MGMT: variants seen among roughly 807,000 people sequenced by gnomAD.
MGMT encodes O-6-methylguanine-DNA methyltransferase, also known as methylated-DNA--protein-cysteine methyltransferase.
Under a neutral mutation model 15.9 loss-of-function variants are expected in MGMT, and 14 were observed. The ratio of observed to expected loss-of-function variants is 0.88; its 90% CI spans 0.58 to 1.37. MGMT has a LOEUF of 1.37. Ranked by LOEUF, MGMT falls within the 40% of genes most tolerant of loss-of-function variation. The pLI, the probability that MGMT is intolerant of heterozygous loss-of-function variation, is 0.00. For missense variants in MGMT, 282 were observed against 268.1 expected (o/e 1.05, Z -0.36); for synonymous variants, 130 against 118.2 (o/e 1.10, Z -0.65).
intron 2 of MGMT, among the ~76,000 whole-genome samples, chr10:129,599,671 A>G (rs1421999938): frequency 6.6e-6 from 1 of 152,202 alleles, no homozygotes; most frequent in East Asian, 1.9e-4. Context: ...ATGCTTGTAC[A>G]TGCTTTCACA....
At chr10:129,486,089 G>T (rs1472552932) in intron 1 of MGMT, among the ~76,000 whole-genome samples, 1 of 151,556 alleles carries the variant, frequency 6.6e-6, no homozygotes, top group African/African-American at 2.4e-5. Context: ...TGGAAACAGA[G>T]TTGAAGAAAA....
rs146216546 is a variant in MGMT, at chr10:129,705,308, G to A, written c.126-2587G>A. 1.6e-3 allele frequency among the ~76,000 whole-genome samples: 250 copies of A among 152,342 alleles called. 1 individual carries two copies. Among genetic ancestry groups the A allele is most frequent in the African/African-American group, 5.7e-3 (235 of 41,586 alleles). ...AGTATCCCAGATGGAATGCAAAAGA[G>A]GTTCGTGCTGCTGAGGCCCTGGTTT... On this transcript the variant is annotated intron_variant, in intron 2 of 4. Transcript: ENST00000651593.
intron 2 of MGMT, among the ~76,000 whole-genome samples, chr10:129,690,986 T>C (rs1420400166): frequency 1.3e-5 from 2 of 152,078 alleles, no homozygotes; most frequent in African/African-American, 4.8e-5. Flanking sequence ...GACTGGAGTG[T>C]GAAGAGGCCA....
At chr10:129,499,381 A>G (rs981397476) in intron 1 of MGMT, among the ~76,000 whole-genome samples, 1 of 152,256 alleles carries the variant, frequency 6.6e-6, no homozygotes, top group African/African-American at 2.4e-5. Flanking sequence ...GCATGTTTCC[A>G]AATGGATATG....
chr10:129,641,533 C>T (rs1224042798), intron 2 of MGMT, among the ~76,000 whole-genome samples: 1 of 152,138 alleles, frequency 6.6e-6, no homozygotes, highest in African/African-American at 2.4e-5. Flanking sequence ...TCATATAATT[C>T]CTTCAAGAAT....
chr10:129,473,642 G>C (rs895154761), intron 1 of MGMT, among the ~76,000 whole-genome samples: 2 of 150,226 alleles, frequency 1.3e-5, no homozygotes, highest in African/African-American at 2.5e-5. Context: ...CCTTTAAGGG[G>C]CAAGACAGGG....
At chr10:129,575,653 A>C (rs922974590) in intron 2 of MGMT, among the ~76,000 whole-genome samples, 1 of 148,552 alleles carries the variant, frequency 6.7e-6, no homozygotes, top group Non-Finnish European at 1.5e-5. Context: ...ACACATTCAA[A>C]AGCTAGCAGA....
intron 2 of MGMT, chr10:129,700,669 C>T (rs11016881): frequency 0.8 from 122,102 of 152,180 alleles, 49,243 homozygotes; most frequent in African/African-American, 0.89. Flanking sequence ...GTCTGAAATA[C>T]AGAGTCAAAA....
At chr10:129,551,244 A>C (rs1846153297) in intron 2 of MGMT, among the ~76,000 whole-genome samples, 2 of 152,220 alleles carry the variant, frequency 1.3e-5, no homozygotes, top group Non-Finnish European at 2.9e-5. Context: ...GAAGAAAGGC[A>C]CTGTTTTTAC....
chr10:129,721,682 A>T (rs188664483), intron 3 of MGMT, among the ~76,000 whole-genome samples: 9 of 152,358 alleles, frequency 5.9e-5, no homozygotes, highest in Admixed American at 5.9e-4. Flanking sequence ...TTTATGAACA[A>T]GTATAATATT....
At chr10:129,711,364 G>A (rs1848230951) in intron 3 of MGMT, among the ~76,000 whole-genome samples, 1 of 152,230 alleles carries the variant, frequency 6.6e-6, no homozygotes, top group Non-Finnish European at 1.5e-5. Context: ...TTAGTAGCTA[G>A]GTAGCTGTTG....
chr10:129,610,239 T>G (rs1359871867), intron 2 of MGMT, among the ~76,000 whole-genome samples: 1 of 152,228 alleles, frequency 6.6e-6, no homozygotes, highest in Admixed American at 6.5e-5. Flanking sequence ...CAATTGCACC[T>G]TATTCTTTGG....
In MGMT at chr10:129,605,310, CTTG is replaced by C. The variant is rs557093679; in HGVS notation, c.125+68934_125+68936del. Among the ~76,000 whole-genome samples the C allele has an allele frequency of 1.6e-3, 247 of 152,206 alleles. 1 individual carries two copies. The highest frequency in any genetic ancestry group is 5.6e-3 in the African/African-American group (233 of 41,520). ...AAAACTTACTCTACTATTTGCGGTCCTTGATCTTTAATTTCTTTTAATGTCAAA... is the reference window on the plus strand; with the variant it reads ...AAAACTTACTCTACTATTTGCGGTCCATCTTTAATTTCTTTTAATGTCAAA... On this transcript the variant is annotated intron_variant, in intron 2 of 4. Coordinates refer to ENST00000651593, the MANE Select transcript of MGMT (RefSeq NM_002412.5).
At chr10:129,562,611 A>G (rs1031882399) in intron 2 of MGMT, among the ~76,000 whole-genome samples, 2 of 152,150 alleles carry the variant, frequency 1.3e-5, no homozygotes, top group Non-Finnish European at 2.9e-5. Flanking sequence ...TACAGATGGA[A>G]TTAGGTCTAC....
At chr10:129,504,449 T>C (rs1385262360) in intron 1 of MGMT, among the ~76,000 whole-genome samples, 1 of 152,216 alleles carries the variant, frequency 6.6e-6, no homozygotes, top group African/African-American at 2.4e-5. Flanking sequence ...AGAATTCTAG[T>C]TTAGGGTCTT....
intron 2 of MGMT, among the ~76,000 whole-genome samples, chr10:129,666,551 T>C (rs1434502299): frequency 6.6e-6 from 1 of 152,224 alleles, no homozygotes; most frequent in Non-Finnish European, 1.5e-5. Context: ...TTTCACCTCA[T>C]TGAAATTACT....
At position 129,733,311 on chromosome 10, in the gene MGMT, A is replaced by G. The variant is rs1322298915; in HGVS notation, c.274+25268A>G. Among the ~76,000 whole-genome samples, 26 of 152,030 alleles carry G rather than the reference A, an allele frequency of 1.7e-4. No homozygotes were observed. In the South Asian group the frequency reaches 5.2e-3, roughly 30 times the overall value. ...ATTTGCATTTCTCTGATGGCCAGTG[A>G]TGGTGAGCATTTTTTCATGTGTTTT... On this transcript the variant is annotated intron_variant, in intron 3 of 4. Transcript: ENST00000651593.
At chr10:129,507,971 G>A (rs1283643022) in intron 1 of MGMT, among the ~76,000 whole-genome samples, 1 of 152,126 alleles carries the variant, frequency 6.6e-6, no homozygotes, top group African/African-American at 2.4e-5. Flanking sequence ...ATTCTGGGTG[G>A]GATACTAAGT....
chr10:129,710,541 C>G (rs1220115919), intron 3 of MGMT, among the ~76,000 whole-genome samples: 1 of 152,220 alleles, frequency 6.6e-6, no homozygotes, highest in Non-Finnish European at 1.5e-5. Flanking sequence ...ATCGTTTACT[C>G]CTGGGCAGGG....
Sources: allele counts gnomAD v4.1 joint callset (sites outside exome capture counted in the v4.1 genomes callset), GRCh38; gene constraint gnomAD v4.1.1; transcripts MANE v1.5; gene names NCBI Gene and HGNC (gene_info 2026-07-23, HGNC 2026-07-21).